TSHZ2: variants seen among roughly 807,000 people sequenced by gnomAD.
TSHZ2 encodes teashirt zinc finger homeobox 2.
TSHZ2 carries 21 observed loss-of-function variants against 74.4 expected under a neutral mutation model. That is an observed-to-expected ratio of 0.28 (90% CI 0.20 to 0.41). TSHZ2 has a LOEUF of 0.41. Ranked by LOEUF, TSHZ2 falls within the 10% of genes least tolerant of loss-of-function variation. The pLI, the probability that TSHZ2 is intolerant of heterozygous loss-of-function variation, is 1.00. For synonymous variants in TSHZ2, 540 were observed against 515.3 expected (o/e 1.05, Z -0.65); for missense variants, 1,244 against 1,293.5 (o/e 0.96, Z 0.59).
intron 2 of TSHZ2, among the ~76,000 whole-genome samples, chr20:53,281,025 A>G (rs1991051289): frequency 6.6e-6 from 1 of 152,186 alleles, no homozygotes; most frequent in Non-Finnish European, 1.5e-5. Flanking sequence ...AACTGTATTT[A>G]GATACTATGC....
At chr20:53,389,064 T>C (rs1982158558) in intron 2 of TSHZ2, among the ~76,000 whole-genome samples, 1 of 152,212 alleles carries the variant, frequency 6.6e-6, no homozygotes, top group African/African-American at 2.4e-5. Flanking sequence ...AAGTAAACCT[T>C]GCAGGCAAGC....
At chr20:53,450,169 T>C (rs1317026449) in intron 2 of TSHZ2, among the ~76,000 whole-genome samples, 2 of 152,266 alleles carry the variant, frequency 1.3e-5, no homozygotes, top group Non-Finnish European at 1.5e-5. Context: ...ACAGTAGTAT[T>C]GAACATATTT....
intron 1 of TSHZ2, among the ~76,000 whole-genome samples, chr20:53,205,962 T>G (rs1219254805): frequency 1.3e-5 from 2 of 152,222 alleles, no homozygotes; most frequent in Non-Finnish European, 2.9e-5. Flanking sequence ...GGCTCACACC[T>G]GTAATCCTAG....
intron 1 of TSHZ2, among the ~76,000 whole-genome samples, chr20:53,113,986 CA>C (rs942603777): frequency 2.0e-5 from 3 of 151,496 alleles, no homozygotes; most frequent in Non-Finnish European, 4.4e-5. Context: ...CTCAGCTACT[CA>C]GGGGGCTTAG....
intron 1 of TSHZ2, among the ~76,000 whole-genome samples, chr20:53,013,304 G>A (rs948729440): frequency 6.6e-6 from 1 of 152,066 alleles, no homozygotes; most frequent in Admixed American, 6.6e-5. Context: ...GCTATTTCCT[G>A]TATGAAACTC....
chr20:53,157,061 G>A (rs778018318), intron 1 of TSHZ2, among the ~76,000 whole-genome samples: 1 of 152,188 alleles, frequency 6.6e-6, no homozygotes, highest in Non-Finnish European at 1.5e-5. Flanking sequence ...ATTACTGCAT[G>A]TGTGAAAACT....
Position 52,985,844 on chromosome 20 carries a change from G to A in TSHZ2, c.40+12511G>A, listed in dbSNP as rs117277016. On this transcript the variant is annotated intron_variant, in intron 1 of 2. Transcript: ENST00000371497. ...TCTCCAATTATGCAGTTTTAATGAG[G>A]AAGCAAGCCCAACCTTGAACATTAT... 3.1e-3 allele frequency among the ~76,000 whole-genome samples: 474 copies of A among 152,300 alleles called. 4 individuals are homozygous for A. Among genetic ancestry groups the A allele is most frequent in the Non-Finnish European group, 4.7e-3 (318 of 68,036 alleles).
rs577235584 is a variant in TSHZ2 at position 53,048,817 on chromosome 20, C to T, written c.40+75484C>T. ...GGTTCTAATAGCTGCTCACTACACACCTCCAGCCACCCACTGGGCTTGCCA... is the reference window on the plus strand; with the variant it reads ...GGTTCTAATAGCTGCTCACTACACATCTCCAGCCACCCACTGGGCTTGCCA... On this transcript the variant is annotated intron_variant, in intron 1 of 2. Coordinates refer to ENST00000371497, the MANE Select transcript of TSHZ2 (RefSeq NM_173485.6). Among the ~76,000 whole-genome samples the T allele has an allele frequency of 2.0e-5, 3 of 152,310 alleles. No homozygotes were observed. The South Asian group carries it at 6.2e-4, about 32-fold the overall frequency.
chr20:53,398,762 C>A (rs373257153), intron 2 of TSHZ2: 2 of 152,148 alleles, frequency 1.3e-5, no homozygotes, highest in African/African-American at 2.4e-5. Flanking sequence ...CAAAAACACA[C>A]AAAAAAGTTT....
chr20:53,092,667 TA>T (rs539397729), intron 1 of TSHZ2, among the ~76,000 whole-genome samples: 335 of 152,328 alleles, frequency 2.2e-3, no homozygotes, highest in African/African-American at 7.7e-3. Context: ...TTTGAAGTCT[TA>T]AGATAAAATA....
At chr20:52,996,305 GTTTT>G (rs1223180904) in intron 1 of TSHZ2, among the ~76,000 whole-genome samples, 54 of 135,458 alleles carry the variant, frequency 4.0e-4, no homozygotes, top group East Asian at 9.2e-4. Flanking sequence ...TTCCTTTCAG[GTTTT>G]TATTTATTTA....
chr20:53,089,934 G>A (rs961831057), intron 1 of TSHZ2, among the ~76,000 whole-genome samples: 1 of 152,232 alleles, frequency 6.6e-6, no homozygotes, highest in African/African-American at 2.4e-5. Flanking sequence ...ACTCACAATT[G>A]CAAGGTGAAG....
At chr20:53,285,662 A>G (rs968650043) in intron 2 of TSHZ2, among the ~76,000 whole-genome samples, 7 of 151,898 alleles carry the variant, frequency 4.6e-5, no homozygotes, top group Non-Finnish European at 1.0e-4. Flanking sequence ...GTGAGCCAAG[A>G]TGGTGCCACT....
At chr20:53,203,191 A>T (rs890749294) in intron 1 of TSHZ2, among the ~76,000 whole-genome samples, 1 of 130,542 alleles carries the variant, frequency 7.7e-6, no homozygotes, top group African/African-American at 3.0e-5. Flanking sequence ...GCAGACTCAA[A>T]TTTTTTTTTT....
intron 1 of TSHZ2, among the ~76,000 whole-genome samples, chr20:53,065,117 C>T (rs1185048088): frequency 3.3e-5 from 5 of 152,190 alleles, no homozygotes; most frequent in Admixed American, 6.5e-5. Context: ...GCGCCTCATT[C>T]GCCTCGTCTG....
chr20:53,200,702 A>G (rs1392654004), intron 1 of TSHZ2, among the ~76,000 whole-genome samples: 1 of 152,144 alleles, frequency 6.6e-6, no homozygotes, highest in African/African-American at 2.4e-5. Context: ...TTGGCTTCAC[A>G]GAGCAGAAAC....
At chr20:53,340,449 G>A (rs934832775) in intron 2 of TSHZ2, among the ~76,000 whole-genome samples, 3 of 152,094 alleles carry the variant, frequency 2.0e-5, no homozygotes, top group Non-Finnish European at 2.9e-5. Context: ...CTCCCAAAGT[G>A]CTGGGATTAC....
intron 1 of TSHZ2, among the ~76,000 whole-genome samples, chr20:53,238,784 T>C (rs1269401749): frequency 2.1e-5 from 3 of 140,378 alleles, no homozygotes; most frequent in Admixed American, 1.5e-4. Flanking sequence ...AGCAGTTTTA[T>C]ACAGCCTGGA....
intron 1 of TSHZ2, among the ~76,000 whole-genome samples, chr20:53,050,163 A>ATATGTG (rs386394005): frequency 7.6e-6 from 1 of 132,234 alleles, no homozygotes; most frequent in Non-Finnish European, 1.6e-5. Context: ...ACACATATAT[A>ATATGTG]TGTACATATA....
Sources: allele counts gnomAD v4.1 joint callset (sites outside exome capture counted in the v4.1 genomes callset), GRCh38; gene constraint gnomAD v4.1.1; transcripts MANE v1.5; gene names NCBI Gene and HGNC (gene_info 2026-07-23, HGNC 2026-07-21).